INSYN2A: variants seen among roughly 807,000 people sequenced by gnomAD.
The protein encoded by INSYN2A is inhibitory synaptic factor 2A.
A neutral mutation model predicts 39.4 loss-of-function variants in INSYN2A; 17 were observed. That is an observed-to-expected ratio of 0.43 (90% CI 0.30 to 0.65). The LOEUF (loss-of-function observed/expected upper bound fraction) is 0.65, where lower values mean the gene tolerates loss of function less well. Among genes scored for constraint, INSYN2A ranks in the 30% least tolerant of loss-of-function variants. The pLI, the probability that INSYN2A is intolerant of heterozygous loss-of-function variation, is 0.14. For synonymous variants in INSYN2A, 255 were observed against 265.7 expected, an observed-to-expected ratio of 0.96 and a Z score of 0.39; for missense variants, 595 against 631.2, an observed-to-expected ratio of 0.94 and a Z score of 0.61.
chr10:127,145,118 T>G (rs1049843837), intron 5 of INSYN2A, among the ~76,000 whole-genome samples: 2 of 152,162 alleles, frequency 1.3e-5, no homozygotes, highest in African/African-American at 4.8e-5. Context: ...CCATCTTACC[T>G]GTGGCACTCT....
chr10:127,188,982 C>G (rs745682428), intron 2 of INSYN2A, among the ~76,000 whole-genome samples: 8 of 152,200 alleles, frequency 5.3e-5, no homozygotes, highest in Non-Finnish European at 5.9e-5. Flanking sequence ...CCACGCTGCA[C>G]TCCACTGTGA....
At chr10:127,172,089 CT>C (rs1274918340) in intron 4 of INSYN2A, among the ~76,000 whole-genome samples, 1 of 152,092 alleles carries the variant, frequency 6.6e-6, no homozygotes, top group Non-Finnish European at 1.5e-5. Context: ...GTGCATTTTC[CT>C]GTTTTCTTTT....
In INSYN2A at chr10:127,175,138, G is replaced by T; in HGVS notation, c.1184+74C>A. 1 of 1,289,256 alleles carries T rather than the reference G, an allele frequency of 7.8e-7. No homozygotes were observed. The highest frequency in any genetic ancestry group is 1.4e-5 in the South Asian group (1 of 72,230). The allele number at this position is 1,289,256 out of a possible 1,614,324, so 79.9% of individuals were successfully genotyped here. On this transcript the variant is annotated intron_variant, in intron 4 of 5. Transcript: ENST00000522781. The surrounding 1 kb of genome is among the most constrained non-coding windows in gnomAD (Gnocchi z 6.3). ...CTGGCTTTAGTCTCATTACAGACTT[G>T]GGTTTGGGGCTACAGATGGACTCTG... is the stretch of plus-strand genomic sequence containing the variant.
At chr10:127,161,378 TC>T (rs1184810452) in intron 4 of INSYN2A, among the ~76,000 whole-genome samples, 22 of 152,164 alleles carry the variant, frequency 1.4e-4, no homozygotes, top group Admixed American at 3.3e-4. Context: ...GTTTGTCTGT[TC>T]CCTTTTTCCC....
chr10:127,194,836 C>T (rs1248908246), intron 1 of INSYN2A, among the ~76,000 whole-genome samples: 2 of 152,224 alleles, frequency 1.3e-5, no homozygotes, highest in African/African-American at 4.8e-5. Context: ...CATTCCCACT[C>T]TTGCAGTTTC....
At chr10:127,186,672 T>C in intron 2 of INSYN2A, among the ~76,000 whole-genome samples, 1 of 151,898 alleles carries the variant, frequency 6.6e-6, no homozygotes, top group East Asian at 1.9e-4. Flanking sequence ...TTTCCTGTTC[T>C]TTAGACTGAG....
intron 4 of INSYN2A, among the ~76,000 whole-genome samples, chr10:127,164,793 T>C (rs1462387016): frequency 1.3e-5 from 2 of 152,204 alleles, no homozygotes; most frequent in African/African-American, 4.8e-5. Context: ...GGCTATATTA[T>C]AAACAGGGCA....
intron 5 of INSYN2A, chr10:127,146,181 G>A: frequency 2.9e-6 from 1 of 350,236 alleles, no homozygotes; most frequent in East Asian, 9.0e-5. Context: ...ATTGGTAAAT[G>A]CCTCCTTAAC....
intron 5 of INSYN2A, among the ~76,000 whole-genome samples, chr10:127,151,320 G>GAAAT (rs1345662125): frequency 3.3e-5 from 5 of 152,104 alleles, no homozygotes; most frequent in African/African-American, 1.2e-4. Flanking sequence ...AGGACTCAAT[G>GAAAT]AAATAAAGAC....
intron 2 of INSYN2A, among the ~76,000 whole-genome samples, chr10:127,187,107 A>T (rs1386795987): frequency 6.6e-6 from 1 of 152,214 alleles, no homozygotes; most frequent in Non-Finnish European, 1.5e-5. Flanking sequence ...CAGGCACCCA[A>T]AGCAGGACAT....
intron 2 of INSYN2A, among the ~76,000 whole-genome samples, chr10:127,188,638 G>A (rs1214132609): frequency 1.3e-5 from 2 of 152,178 alleles, no homozygotes; most frequent in African/African-American, 4.8e-5. Flanking sequence ...ACGAACTGGG[G>A]CTTTGAGACC....
chr10:127,146,145 C>T (rs556171590), intron 5 of INSYN2A: 13 of 458,804 alleles, frequency 2.8e-5, no homozygotes, highest in East Asian at 1.9e-4. Context: ...AAACTGACAG[C>T]GTAGTCCCCT....
intron 2 of INSYN2A, among the ~76,000 whole-genome samples, chr10:127,183,031 T>C (rs2055880795): frequency 6.7e-6 from 1 of 148,324 alleles, no homozygotes. Context: ...CATACTAGAA[T>C]GTACTTGGGG....
rs71831153 is a variant in INSYN2A at position 127,136,478 on chromosome 10, CA to C, written c.*1358del. The C allele has an allele frequency of 0.13, 8,950 of 67,060 alleles. 493 individuals are homozygous for C. Among genetic ancestry groups the C allele is most frequent in the African/African-American group, 0.27 (6,574 of 24,178 alleles). The allele number at this position is 67,060 out of a possible 1,614,324, so 4.2% of individuals were successfully genotyped here. A position where few individuals can be genotyped will look rare whatever the true frequency, so the allele number is the denominator to read the frequency against. ...CAAACTATTCAAAATTTAAGTTGTACAAAAAAAAAAAAAAAGGCAAAGTAAG... is the reference window on the plus strand; with the variant it reads ...CAAACTATTCAAAATTTAAGTTGTACAAAAAAAAAAAAAAGGCAAAGTAAG... On this transcript the variant is annotated 3_prime_UTR_variant, in exon 6 of 6. Transcript: ENST00000522781.
At chr10:127,138,181 C>G (rs10829468) in intron 5 of INSYN2A, among the ~76,000 whole-genome samples, 161 bp from the exon 6 acceptor site, 1 of 152,150 alleles carries the variant, frequency 6.6e-6, no homozygotes, top group Non-Finnish European at 1.5e-5. Context: ...TCTGTGCTCC[C>G]GTGAAATAGT....
Position 127,175,551 on chromosome 10 carries a change from C to T in INSYN2A, c.845G>A (p.Cys282Tyr). Residue 282 changes from cysteine (C) to tyrosine (Y), a missense_variant, in exon 4 of 6, where the codon TGC becomes TAC. Physicochemically the swap from Cys to Tyr is radical, Grantham distance 194. Coordinates refer to ENST00000522781, the MANE Select transcript of INSYN2A (RefSeq NM_001039762.3). This position sits in a 1 kb window ranked among gnomAD's most constrained non-coding sequence, Gnocchi z 6.3. ...TCTCCTCCGCTCGTCATCTGCCGGGCAGAGTGACCACTGGCTGGCGGCTGC... is the reference window on the plus strand; with the variant it reads ...TCTCCTCCGCTCGTCATCTGCCGGGTAGAGTGACCACTGGCTGGCGGCTGC... ...DSAAASQWSL[C>Y]PADDERRRAT... 6.2e-7 allele frequency: 1 copy of T among 1,611,540 alleles called. No individual in the cohort carries two copies. Among genetic ancestry groups the T allele is most frequent in the Non-Finnish European group, 8.5e-7 (1 of 1,179,998 alleles).
chr10:127,138,422 C>T (rs992258349), intron 5 of INSYN2A, among the ~76,000 whole-genome samples: 10 of 152,108 alleles, frequency 6.6e-5, no homozygotes, highest in African/African-American at 1.4e-4. Flanking sequence ...ACCAAGTGCA[C>T]GCAAGGTCCG....
chr10:127,179,531 T>C (rs2055518426), intron 2 of INSYN2A, among the ~76,000 whole-genome samples: 1 of 152,222 alleles, frequency 6.6e-6, no homozygotes, highest in Non-Finnish European at 1.5e-5. Flanking sequence ...TTATGAGTTC[T>C]TTCTGACGGC....
intron 5 of INSYN2A, among the ~76,000 whole-genome samples, chr10:127,149,797 T>G (rs1028729650): frequency 3.3e-5 from 5 of 152,154 alleles, no homozygotes; most frequent in Non-Finnish European, 5.9e-5. Flanking sequence ...ATTTTAAGAT[T>G]TATTTTGAAA....
Sources: gnomAD v4.1 joint callset for allele counts (sites outside exome capture counted in the v4.1 genomes callset) on GRCh38, gnomAD v4.1.1 for gene constraint, Gnocchi (gnomAD v3.1) non-coding constraint, MANE v1.5 for transcripts, NCBI Gene and HGNC (gene_info 2026-07-23, HGNC 2026-07-21) for gene names.